GALNT13: variants seen among roughly 807,000 people sequenced by gnomAD.
The protein encoded by GALNT13 is polypeptide N-acetylgalactosaminyltransferase 13.
Under a neutral mutation model 64.2 loss-of-function variants are expected in GALNT13, and 28 were observed. The ratio of observed to expected loss-of-function variants is 0.44; its 90% CI spans 0.32 to 0.60. The LOEUF (loss-of-function observed/expected upper bound fraction) is 0.60, where lower values mean the gene tolerates loss of function less well. Ranked by LOEUF, GALNT13 falls within the 20% of genes least tolerant of loss-of-function variation. The probability of loss-of-function intolerance (pLI) is 0.05; values close to 1 mark genes in which losing one functional copy is unlikely to be tolerated. For missense variants in GALNT13, 577 were observed against 669.8 expected, an observed-to-expected ratio of 0.86 and a Z score of 1.53; for synonymous variants, 214 against 224.6, an observed-to-expected ratio of 0.95 and a Z score of 0.42.
intron 3 of GALNT13, among the ~76,000 whole-genome samples, chr2:153,978,625 T>A (rs1316182834): frequency 6.6e-6 from 1 of 152,162 alleles, no homozygotes; most frequent in African/African-American, 2.4e-5. Flanking sequence ...GCCACCACCA[T>A]GTAAGAAGTG....
the GALNT13 span, among the ~76,000 whole-genome samples, chr2:153,565,638 T>C: frequency 1.3e-5 from 2 of 152,182 alleles, no homozygotes; most frequent in Non-Finnish European, 2.9e-5. Context: ...AAAGAAATAA[T>C]GTTGGAGAAA....
At chr2:154,324,164 G>A (rs193064139) in intron 9 of GALNT13, among the ~76,000 whole-genome samples, 333 of 151,586 alleles carry the variant, frequency 2.2e-3, no homozygotes, top group Non-Finnish European at 3.9e-3. Flanking sequence ...AGAATTCCTC[G>A]ATTTTGTTGA....
At chr2:153,509,415 TTCAGACGGGCCACCGCTGCCA>T in the GALNT13 span, among the ~76,000 whole-genome samples, 1 of 152,252 alleles carries the variant, frequency 6.6e-6, no homozygotes, top group African/African-American at 2.4e-5. Flanking sequence ...CAGCGGCTGC[TTCAGACGGGCCACCGCTGCCA>T]TCAATAGTGA....
At chr2:154,071,653 G>A (rs35417060) in intron 3 of GALNT13, among the ~76,000 whole-genome samples, 30,511 of 151,880 alleles carry the variant, frequency 0.2, 4,009 homozygotes, top group Middle Eastern at 0.32. Flanking sequence ...TGTAATTCAC[G>A]GACATGTACA....
At chr2:154,181,307 T>G (rs1416576597) in intron 4 of GALNT13, among the ~76,000 whole-genome samples, 1 of 152,082 alleles carries the variant, frequency 6.6e-6, no homozygotes, top group African/African-American at 2.4e-5. Flanking sequence ...AAAATAAAAA[T>G]GCATCACTTA....
At chr2:154,284,579 C>T (rs1331165644) in intron 8 of GALNT13, among the ~76,000 whole-genome samples, 1 of 151,324 alleles carries the variant, frequency 6.6e-6, no homozygotes, top group African/African-American at 2.4e-5. Flanking sequence ...TTTTCTTTAT[C>T]CATCCAGCCA....
intron 3 of GALNT13, among the ~76,000 whole-genome samples, chr2:154,057,564 C>T (rs367845756): frequency 9.2e-5 from 14 of 152,120 alleles, no homozygotes; most frequent in East Asian, 5.8e-4. Flanking sequence ...GACACATTAA[C>T]AGATAACCCA....
the GALNT13 span, among the ~76,000 whole-genome samples, chr2:153,073,487 G>T: frequency 2.0e-5 from 3 of 151,414 alleles, 1 homozygote; most frequent in South Asian, 6.3e-4. Flanking sequence ...AATGCAAAAT[G>T]AAAGAATAAT....
the GALNT13 span, among the ~76,000 whole-genome samples, chr2:153,643,410 C>T: frequency 2.0e-5 from 3 of 151,280 alleles, no homozygotes; most frequent in Non-Finnish European, 3.0e-5. Context: ...GGAAAAATTT[C>T]TGAAAAATAT....
the GALNT13 span, among the ~76,000 whole-genome samples, chr2:153,273,464 G>A: frequency 7.2e-5 from 11 of 152,050 alleles, no homozygotes; most frequent in East Asian, 1.9e-4. Flanking sequence ...CTTCTTACCC[G>A]GTACTTATAA....
At chr2:154,062,390 CT>C (rs1210983570) in intron 3 of GALNT13, among the ~76,000 whole-genome samples, 1 of 152,044 alleles carries the variant, frequency 6.6e-6, no homozygotes, top group Non-Finnish European at 1.5e-5. Flanking sequence ...ATTCTCTTAT[CT>C]TTTCTTCTTA....
the GALNT13 span, among the ~76,000 whole-genome samples, chr2:153,850,580 A>G: frequency 4.6e-5 from 7 of 152,248 alleles, no homozygotes. Context: ...TGAACAATCG[A>G]TCAGTTAAAA....
chr2:153,630,787 ATATATATATATATATATATATT>A, the GALNT13 span, among the ~76,000 whole-genome samples: 39 of 10,708 alleles, frequency 3.6e-3, no homozygotes, highest in African/African-American at 0.012. Context: ...ATATATATAT[ATATATATATATATATATATATT>A]TTTTTTTTTT....
chr2:154,038,581 C>T (rs912119545), intron 3 of GALNT13, among the ~76,000 whole-genome samples: 9 of 152,098 alleles, frequency 5.9e-5, no homozygotes, highest in African/African-American at 1.7e-4. Context: ...CGTAAGTAGA[C>T]TCCTGCCACT....
At chr2:154,374,870 AATAG>A (rs371902954) in intron 9 of GALNT13, among the ~76,000 whole-genome samples, 5 of 152,230 alleles carry the variant, frequency 3.3e-5, no homozygotes, top group East Asian at 1.9e-4. Context: ...TAACCAATCT[AATAG>A]ATAGATAGTG....
intron 9 of GALNT13, among the ~76,000 whole-genome samples, chr2:154,380,973 C>T (rs2105331624): frequency 6.6e-6 from 1 of 152,156 alleles, no homozygotes; most frequent in African/African-American, 2.4e-5. Flanking sequence ...TGGCAGTTTG[C>T]TTCACCAATG....
the GALNT13 span, among the ~76,000 whole-genome samples, chr2:153,359,629 G>GAAA: frequency 1.2e-3 from 11 of 8,926 alleles, no homozygotes; most frequent in South Asian, 4.3e-3. Context: ...CCAGCTTTCA[G>GAAA]CAAAAAAAAA....
At chr2:153,139,610 G>C in the GALNT13 span, among the ~76,000 whole-genome samples, 1 of 151,982 alleles carries the variant, frequency 6.6e-6, no homozygotes, top group East Asian at 1.9e-4. Flanking sequence ...AAGAAGGACA[G>C]TTCAAGCTCA....
intron 9 of GALNT13, among the ~76,000 whole-genome samples, chr2:154,395,257 A>T (rs1699004116): frequency 6.6e-6 from 1 of 152,210 alleles, no homozygotes; most frequent in Non-Finnish European, 1.5e-5. Flanking sequence ...TATAAAAATT[A>T]GTAGCATTAT....
Sources: gnomAD v4.1 joint callset for allele counts (sites outside exome capture counted in the v4.1 genomes callset) on GRCh38, gnomAD v4.1.1 for gene constraint, MANE v1.5 for transcripts, NCBI Gene and HGNC (gene_info 2026-07-23, HGNC 2026-07-21) for gene names.